UNC5D: variants seen among roughly 807,000 people sequenced by gnomAD.
UNC5D encodes the protein unc-5 netrin receptor D, also known as netrin receptor UNC5D.
In UNC5D, 39 loss-of-function variants were observed where a neutral mutation model predicts 105.4. The ratio of observed to expected loss-of-function variants is 0.37; its 90% CI spans 0.29 to 0.48. The LOEUF (loss-of-function observed/expected upper bound fraction) is 0.48. Among genes scored for constraint, UNC5D ranks in the 20% least tolerant of loss-of-function variants. The pLI is 0.98. For synonymous variants in UNC5D, 452 were observed against 450.4 expected (o/e 1.00, Z -0.04); for missense variants, 991 against 1,202.4 (o/e 0.82, Z 2.60).
chr8:35,706,338 C>A (rs765185088), intron 8 of UNC5D, among the ~76,000 whole-genome samples: 11 of 152,188 alleles, frequency 7.2e-5, no homozygotes, highest in Admixed American at 2.6e-4. Context: ...CTCCACCTAG[C>A]ATCTTACCTC....
chr8:35,395,309 A>T (rs1804027813), intron 1 of UNC5D, among the ~76,000 whole-genome samples: 1 of 152,204 alleles, frequency 6.6e-6, no homozygotes, highest in Non-Finnish European at 1.5e-5. Context: ...TGATCATCAA[A>T]ATGAAGATAA....
At position 35,675,294 on chromosome 8, in the gene UNC5D, G is replaced by A. The variant is rs368568874; in HGVS notation, c.571-8253G>A. ...CAGTTTGAAATGTTCTCATATGTGT[G>A]CATGTATGTATATTGCACCAACCTC... On this transcript the variant is annotated intron_variant, in intron 4 of 16. Coordinates refer to ENST00000404895, the MANE Select transcript of UNC5D (RefSeq NM_080872.4). Among the ~76,000 whole-genome samples the A allele has an allele frequency of 2.7e-4, 41 of 152,256 alleles. 1 individual carries two copies. The highest frequency in any genetic ancestry group is 9.6e-4 in the African/African-American group (40 of 41,548).
chr8:35,474,267 C>T (rs954406944), intron 1 of UNC5D, among the ~76,000 whole-genome samples: 1 of 152,146 alleles, frequency 6.6e-6, no homozygotes, highest in African/African-American at 2.4e-5. Flanking sequence ...AGTTCTTAAC[C>T]ATGTCTATTT....
At chr8:35,462,591 C>A (rs1224650636) in intron 1 of UNC5D, among the ~76,000 whole-genome samples, 1 of 147,354 alleles carries the variant, frequency 6.8e-6, no homozygotes, top group African/African-American at 2.7e-5. Flanking sequence ...ATATTCTTAA[C>A]TCTAACAATA....
At chr8:35,582,068 T>G (rs1818496153) in intron 3 of UNC5D, among the ~76,000 whole-genome samples, 1 of 152,214 alleles carries the variant, frequency 6.6e-6, no homozygotes, top group South Asian at 2.1e-4. Context: ...ATGATTACTC[T>G]TGAAGAAAAA....
chr8:35,335,889 G>A (rs990068336), intron 1 of UNC5D, among the ~76,000 whole-genome samples: 2 of 146,486 alleles, frequency 1.4e-5, no homozygotes, highest in South Asian at 2.2e-4. Context: ...TCAGCCTCCC[G>A]AGTAGCTGGG....
chr8:35,612,470 A>C (rs1448789609), intron 4 of UNC5D, among the ~76,000 whole-genome samples: 4 of 152,096 alleles, frequency 2.6e-5, no homozygotes, highest in African/African-American at 9.7e-5. Flanking sequence ...CCAGATGCCT[A>C]TCTGGAAATG....
chr8:35,656,087 T>C (rs1256987211), intron 4 of UNC5D, among the ~76,000 whole-genome samples: 1 of 152,194 alleles, frequency 6.6e-6, no homozygotes, highest in African/African-American at 2.4e-5. Flanking sequence ...CCTGTTCTTC[T>C]TTATTTGGGA....
At chr8:35,509,445 A>G (rs1306577402) in intron 1 of UNC5D, among the ~76,000 whole-genome samples, 2 of 42,764 alleles carry the variant, frequency 4.7e-5, no homozygotes, top group African/African-American at 1.8e-4. Flanking sequence ...AGGGTCAAAT[A>G]TAGATCCCTG....
intron 2 of UNC5D, among the ~76,000 whole-genome samples, chr8:35,563,961 C>T (rs1488663828): frequency 6.6e-6 from 1 of 152,016 alleles, no homozygotes; most frequent in Non-Finnish European, 1.5e-5. Flanking sequence ...TGAGATCAAT[C>T]CTCCTTGATT....
intron 4 of UNC5D, among the ~76,000 whole-genome samples, chr8:35,680,968 GGAGGA>G (rs1825622157): frequency 6.6e-6 from 1 of 152,214 alleles, no homozygotes; most frequent in South Asian, 2.1e-4. Context: ...TTCTGACCTA[GGAGGA>G]GAGTGGAGGT....
At chr8:35,335,966 T>G (rs1585613398) in intron 1 of UNC5D, among the ~76,000 whole-genome samples, 3 of 152,086 alleles carry the variant, frequency 2.0e-5, no homozygotes, top group South Asian at 2.1e-4. Flanking sequence ...GGTTTCACCG[T>G]GTTAGCCAGG....
intron 4 of UNC5D, among the ~76,000 whole-genome samples, chr8:35,650,843 A>G (rs1158199047): frequency 6.6e-6 from 1 of 152,144 alleles, no homozygotes. Context: ...TTACATTACT[A>G]TTACTCAGGA....
intron 1 of UNC5D, among the ~76,000 whole-genome samples, chr8:35,403,924 C>T (rs1417065383): frequency 6.6e-6 from 1 of 152,148 alleles, no homozygotes; most frequent in Non-Finnish European, 1.5e-5. Context: ...CACTGACATT[C>T]TCTCCATTCC....
At chr8:35,291,562 G>C (rs536539930) in intron 1 of UNC5D, among the ~76,000 whole-genome samples, 1 of 152,144 alleles carries the variant, frequency 6.6e-6, no homozygotes, top group Non-Finnish European at 1.5e-5. Context: ...GAAAACTGAA[G>C]ATTTCATTCT....
rs186421434 is a variant in UNC5D at position 35,750,886 on chromosome 8, A to C, written c.2163+77A>C. ...TCCAAAAGATCAGTATCAATTGAAA[A>C]TTTTATTACTGAGGGTCTAGAAAAT... On this transcript the variant is annotated intron_variant, in intron 13 of 16. Coordinates refer to ENST00000404895, the MANE Select transcript of UNC5D (RefSeq NM_080872.4). 4.4e-4 allele frequency: 684 copies of C among 1,554,864 alleles called. 2 individuals carry two copies. In the African/African-American group the frequency reaches 8.0e-3, roughly 18 times the overall value.
intron 4 of UNC5D, among the ~76,000 whole-genome samples, chr8:35,635,228 T>G (rs1450299073): frequency 6.6e-6 from 1 of 152,182 alleles, no homozygotes; most frequent in African/African-American, 2.4e-5. Flanking sequence ...CTCCTCCATG[T>G]CAGGTATCTC....
chr8:35,609,745 T>A (rs1330198536), intron 4 of UNC5D, among the ~76,000 whole-genome samples: 1 of 152,218 alleles, frequency 6.6e-6, no homozygotes, highest in Non-Finnish European at 1.5e-5. Context: ...GTGTAGGCCA[T>A]GTTCCAGCCT....
rs1799397174 is a variant in UNC5D at position 35,285,902 on chromosome 8, G to A, written c.103+50015G>A. ...TGAAAGTCCTGTGATTGTACAGTTAGCACATTTTATATGACAGTATAATCT... is the reference window on the plus strand; with the variant it reads ...TGAAAGTCCTGTGATTGTACAGTTAACACATTTTATATGACAGTATAATCT... On this transcript the variant is annotated intron_variant, in intron 1 of 16. Transcript: ENST00000404895. Among the ~76,000 whole-genome samples, 3 of 152,110 alleles carry A rather than the reference G, an allele frequency of 2.0e-5. No homozygotes were observed. The South Asian group carries it at 6.2e-4, about 32-fold the overall frequency.
Sources: gnomAD v4.1 joint callset for allele counts (sites outside exome capture counted in the v4.1 genomes callset) on GRCh38, gnomAD v4.1.1 for gene constraint, MANE v1.5 for transcripts, NCBI Gene and HGNC (gene_info 2026-07-23, HGNC 2026-07-21) for gene names.